The following HUNK variants were observed in gnomAD, a reference collection of about 807,000 sequenced individuals.
The protein encoded by HUNK is hormonally up-regulated neu tumor-associated kinase.
A neutral mutation model predicts 61.0 loss-of-function variants in HUNK; 21 were observed. The observed-to-expected ratio is 0.34, with a 90% confidence interval of 0.24 to 0.50. The LOEUF (loss-of-function observed/expected upper bound fraction) is 0.50, where lower values mean the gene tolerates loss of function less well. Ranked by LOEUF, HUNK falls within the 20% of genes least tolerant of loss-of-function variation. The probability of loss-of-function intolerance (pLI) is 0.98; values close to 1 mark genes in which losing one functional copy is unlikely to be tolerated. For missense variants in HUNK, 772 were observed against 945.7 expected, an observed-to-expected ratio of 0.82 and a Z score of 2.41; for synonymous variants, 371 against 386.1, an observed-to-expected ratio of 0.96 and a Z score of 0.46.
intron 1 of HUNK, among the ~76,000 whole-genome samples, chr21:31,906,911 ACACCTGTAATCC>A (rs1217442738): frequency 3.3e-5 from 5 of 151,774 alleles, no homozygotes; most frequent in African/African-American, 1.2e-4. Flanking sequence ...GTGGTGGCTC[ACACCTGTAATCC>A]CAGCACTTTG....
chr21:31,961,446 C>T (rs900602531), intron 5 of HUNK, among the ~76,000 whole-genome samples: 2 of 152,138 alleles, frequency 1.3e-5, no homozygotes, highest in Admixed American at 6.5e-5. Flanking sequence ...GTAGTAAGCA[C>T]GTATTTAGTT....
intron 1 of HUNK, among the ~76,000 whole-genome samples, chr21:31,912,011 G>A (rs772624591): frequency 6.6e-6 from 1 of 152,154 alleles, no homozygotes; most frequent in South Asian, 2.1e-4. Flanking sequence ...CGGTCTCCTC[G>A]TACCTACTTT....
Position 31,873,397 on chromosome 21 carries a change from C to G in HUNK, c.-278C>G, listed in dbSNP as rs2052229256. On this transcript the variant is annotated 5_prime_UTR_variant, in exon 1 of 11. It adds an upstream start codon to the 5' untranslated region. Transcript: ENST00000270112. The surrounding 1 kb of genome is among the most constrained non-coding windows in gnomAD (Gnocchi z 6.1). ...TCCTGGACGGGACCCGGGGCGGGAT[C>G]CTGGTGTCCTGAAAGGGGCCCGGGC... 6.6e-6 allele frequency: 1 copy of G among 152,480 alleles called. No homozygotes were observed. The highest frequency in any genetic ancestry group is 2.1e-4 in the South Asian group (1 of 4,844). The allele number at this position is 152,480 out of a possible 1,614,324, so 9.4% of individuals were successfully genotyped here.
chr21:31,956,217 A>G (rs2833579), intron 4 of HUNK, among the ~76,000 whole-genome samples: 65,560 of 152,046 alleles, frequency 0.43, 14,475 homozygotes, highest in Non-Finnish European at 0.45. Flanking sequence ...TCCACAACCA[A>G]TGAATAGAAG....
intron 8 of HUNK, among the ~76,000 whole-genome samples, chr21:31,986,204 G>A (rs983075824): frequency 2.1e-5 from 3 of 141,794 alleles, no homozygotes; most frequent in Non-Finnish European, 4.6e-5. Context: ...CTCTCCCCCC[G>A]CCGCCCTCCG....
intron 1 of HUNK, among the ~76,000 whole-genome samples, chr21:31,885,935 G>A (rs747891422): frequency 3.9e-5 from 6 of 152,004 alleles, no homozygotes; most frequent in Non-Finnish European, 8.8e-5. Flanking sequence ...ATTTCACCAC[G>A]TTGATCAAGC....
At chr21:31,972,899 G>C (rs1041645940) in intron 6 of HUNK, among the ~76,000 whole-genome samples, 6 of 152,034 alleles carry the variant, frequency 3.9e-5, no homozygotes, top group Non-Finnish European at 8.8e-5. Flanking sequence ...ATGGTCAGGA[G>C]ACCTCGTTCT....
At chr21:31,898,322 A>G (rs1229199770) in intron 1 of HUNK, among the ~76,000 whole-genome samples, 1 of 152,120 alleles carries the variant, frequency 6.6e-6, no homozygotes, top group African/African-American at 2.4e-5. Flanking sequence ...CTGAAGTGCA[A>G]TGGCGCGATC....
rs1322031003 is a variant in HUNK at position 31,999,622 on chromosome 21, C to T, written c.*438C>T. 4.8e-5 allele frequency: 8 copies of T among 167,296 alleles called. No individual in the cohort carries two copies. The highest frequency in any genetic ancestry group is 1.8e-4 in the South Asian group (1 of 5,524). The allele number at this position is 167,296 out of a possible 1,614,324, so 10.4% of individuals were successfully genotyped here. On this transcript the variant is annotated 3_prime_UTR_variant, in exon 11 of 11. Transcript: ENST00000270112. ...ATATCACAGTCATTCATCCAGGCCA[C>T]GTTTCCTCTGCGGAGTGTAGCAGCC... is the stretch of plus-strand genomic sequence containing the variant.
chr21:31,995,837 A>G lies in HUNK; in HGVS notation c.1375A>G (p.Lys459Glu), dbSNP rs986300625. The G allele has an allele frequency of 3.1e-6, 5 of 1,614,176 alleles. No individual in the cohort carries two copies. The highest frequency in any genetic ancestry group is 2.2e-5 in the East Asian group (1 of 44,884). The change falls in exon 10 of 11, where the codon AAG becomes GAG. Residue 459 changes from lysine (K) to glutamate (E), a missense_variant. This residue lies in a region of HUNK where 413 missense variants were observed against 444.4 expected (regional missense o/e 0.93). Coordinates refer to ENST00000270112, the MANE Select transcript of HUNK (RefSeq NM_014586.2). ...LHRPFSKKLD[K>E]NLPSHKQPSG... Reference sequence around the variant, plus strand: ...TCGACCATTCTCCAAGAAGTTGGACAAGAACCTGCCCTCGCACAAACAGCC... The same window carrying G: ...TCGACCATTCTCCAAGAAGTTGGACGAGAACCTGCCCTCGCACAAACAGCC...
chr21:31,972,850 G>A (rs550198104), intron 6 of HUNK, among the ~76,000 whole-genome samples: 173 of 152,184 alleles, frequency 1.1e-3, no homozygotes, highest in African/African-American at 4.1e-3. Context: ...AAGTAGTGGA[G>A]GGAGAACTGA....
chr21:31,963,582 C>T (rs1207362029), intron 5 of HUNK, among the ~76,000 whole-genome samples: 3 of 152,188 alleles, frequency 2.0e-5, no homozygotes, highest in Non-Finnish European at 2.9e-5. Flanking sequence ...ACTGCAGCCT[C>T]GGCCTCCGAA....
intron 9 of HUNK, among the ~76,000 whole-genome samples, chr21:31,994,906 C>T (rs1365821089): frequency 6.6e-6 from 1 of 152,204 alleles, no homozygotes; most frequent in African/African-American, 2.4e-5. Context: ...ATAGTCCCAG[C>T]ATTTTGGGAA....
At chr21:31,911,999 C>T (rs1163173988) in intron 1 of HUNK, among the ~76,000 whole-genome samples, 2 of 152,164 alleles carry the variant, frequency 1.3e-5, no homozygotes, top group Non-Finnish European at 2.9e-5. Flanking sequence ...CCCAGAGCTG[C>T]TCGGTCTCCT....
intron 7 of HUNK, among the ~76,000 whole-genome samples, chr21:31,976,537 G>T (rs1156389242): frequency 2.9e-5 from 4 of 140,086 alleles, no homozygotes; most frequent in African/African-American, 1.1e-4. Context: ...GACGATCTCG[G>T]CTCACTGCAA....
chr21:31,988,135 T>G (rs1334172741), intron 8 of HUNK, among the ~76,000 whole-genome samples: 1 of 152,196 alleles, frequency 6.6e-6, no homozygotes, highest in Non-Finnish European at 1.5e-5. Context: ...CTTTTTCCTG[T>G]CAAAGGCAGA....
chr21:31,924,623 C>T lies in HUNK; in HGVS notation c.417C>T (p.Val139=). Residue 139 remains valine, a synonymous_variant, in exon 2 of 11, where the codon GTC becomes GTT. Transcript: ENST00000270112. The surrounding 1 kb of genome is among the most constrained non-coding windows in gnomAD (Gnocchi z 5.1). ...ILETENSYYL[V]MELCPGGNLM... ...AAACGGAAAACAGCTACTACCTGGT[C>T]ATGGAGCTGTGCCCTGGGGGCAACC... 1 of 1,614,182 alleles carries T rather than the reference C, an allele frequency of 6.2e-7. No individual in the cohort carries two copies. The highest frequency in any genetic ancestry group is 8.5e-7 in the Non-Finnish European group (1 of 1,180,038).
chr21:31,998,715 T>A lies in HUNK; in HGVS notation c.1676T>A (p.Val559Glu). ...HKEDPLMLDM[V>E]RSFESVDRDD... ...GAAGACCCCCTGATGCTGGACATGG[T>A]GCGCTCCTTCGAGTCTGTGGATCGC... The change falls in exon 11 of 11, where the codon GTG becomes GAG. Residue 559 changes from valine (V) to glutamate (E), a missense_variant. Val to Glu is a moderately radical substitution (Grantham distance 121, BLOSUM62 -2). Coordinates refer to ENST00000270112, the MANE Select transcript of HUNK (RefSeq NM_014586.2). 6.2e-7 allele frequency: 1 copy of A among 1,614,164 alleles called. No homozygotes were observed. Among genetic ancestry groups the A allele is most frequent in the Non-Finnish European group, 8.5e-7 (1 of 1,180,024 alleles).
chr21:31,938,583 C>T (rs562602946), intron 2 of HUNK, among the ~76,000 whole-genome samples: 6 of 152,228 alleles, frequency 3.9e-5, no homozygotes, highest in East Asian at 3.9e-4. Context: ...TATCAGTTGC[C>T]GTTTTTGTTT....
Sources: allele counts gnomAD v4.1 joint callset (sites outside exome capture counted in the v4.1 genomes callset), GRCh38; gene constraint gnomAD v4.1.1; regional missense constraint gnomAD v4.1.1; non-coding constraint Gnocchi (gnomAD v3.1); transcripts MANE v1.5; gene names NCBI Gene and HGNC (gene_info 2026-07-23, HGNC 2026-07-21).